Variants in THRB observed in about 807,000 individuals in gnomAD.
The protein encoded by THRB is thyroid hormone receptor beta, also known as nuclear receptor subfamily 1 group A member 2.
A neutral mutation model predicts 47.8 loss-of-function variants in THRB; 12 were observed. The ratio of observed to expected loss-of-function variants is 0.25; its 90% CI spans 0.16 to 0.41. The LOEUF (loss-of-function observed/expected upper bound fraction) is 0.41. Ranked by LOEUF, THRB falls within the 10% of genes least tolerant of loss-of-function variation. The probability of loss-of-function intolerance (pLI) is 1.00; values close to 1 mark genes in which losing one functional copy is unlikely to be tolerated. For missense variants in THRB, 348 were observed against 589.2 expected (o/e 0.59, Z 4.24); for synonymous variants, 218 against 212.2 (o/e 1.03, Z -0.24).
chr3:24,440,142 T>C (rs1482791145), intron 1 of THRB, among the ~76,000 whole-genome samples: 1 of 152,232 alleles, frequency 6.6e-6, no homozygotes, highest in Admixed American at 6.5e-5. Context: ...AGTTTCTAGA[T>C]TGATTTTTTT....
At chr3:24,338,172 T>G (rs563745060) in intron 1 of THRB, among the ~76,000 whole-genome samples, 2 of 152,212 alleles carry the variant, frequency 1.3e-5, no homozygotes, top group African/African-American at 2.4e-5. Flanking sequence ...TTTTGTCACC[T>G]GTGCTCTAAT....
intron 1 of THRB, among the ~76,000 whole-genome samples, chr3:24,348,011 G>C (rs180879578): frequency 6.6e-6 from 1 of 152,092 alleles, no homozygotes; most frequent in Non-Finnish European, 1.5e-5. Context: ...TCTTGATCCC[G>C]TAACAGTATA....
At chr3:24,457,177 T>C (rs548217959) in intron 1 of THRB, among the ~76,000 whole-genome samples, 21 of 152,232 alleles carry the variant, frequency 1.4e-4, no homozygotes, top group Non-Finnish European at 3.1e-4. Flanking sequence ...CAAGACAATA[T>C]AGTCACCCTA....
At chr3:24,434,551 A>G (rs1013221412) in intron 1 of THRB, among the ~76,000 whole-genome samples, 1 of 152,238 alleles carries the variant, frequency 6.6e-6, no homozygotes, top group Admixed American at 6.5e-5. Flanking sequence ...TTTGCCATCC[A>G]TAAATTATTC....
In THRB at chr3:24,121,228, A is replaced by T. The variant is rs888064027; in HGVS notation, c.*1656T>A. 1 of 152,590 alleles carries T rather than the reference A, an allele frequency of 6.6e-6. No individual in the cohort carries two copies. Among genetic ancestry groups the T allele is most frequent in the African/African-American group, 2.4e-5 (1 of 41,438 alleles). 9.5% of individuals were successfully genotyped at this position (152,590 alleles called of 1,614,324 possible). A position where few individuals can be genotyped will look rare whatever the true frequency, so the allele number is the denominator to read the frequency against. On this transcript the variant is annotated 3_prime_UTR_variant, in exon 11 of 11. Coordinates refer to ENST00000646209, the MANE Select transcript of THRB (RefSeq NM_001354712.2). ...ACCAGGTAAGAAAACCAAGACCTAG[A>T]ATTACAAATCTACCAGTTGACAGAG...
At chr3:24,295,771 T>G (rs1477937174) in intron 3 of THRB, among the ~76,000 whole-genome samples, 1 of 152,198 alleles carries the variant, frequency 6.6e-6, no homozygotes, top group Non-Finnish European at 1.5e-5. Flanking sequence ...GTATGAATCC[T>G]TGGGTCAGTC....
chr3:24,327,012 C>T (rs941149085), intron 2 of THRB, among the ~76,000 whole-genome samples: 1 of 152,078 alleles, frequency 6.6e-6, no homozygotes, highest in African/African-American at 2.4e-5. Context: ...ATCCGCCCGC[C>T]TCAGCTTCCC....
At chr3:24,138,999 C>G (rs2148955142) in intron 8 of THRB, among the ~76,000 whole-genome samples, 1 of 152,232 alleles carries the variant, frequency 6.6e-6, no homozygotes, top group East Asian at 1.9e-4. Flanking sequence ...TCAGGGGCTG[C>G]TACTGGAGGT....
intron 3 of THRB, among the ~76,000 whole-genome samples, chr3:24,245,975 A>C (rs73039635): frequency 1.0e-3 from 155 of 152,286 alleles, no homozygotes; most frequent in Non-Finnish European, 1.8e-3. Context: ...TGGGTTACGT[A>C]AAGTGTAGTT....
chr3:24,236,252 C>T (rs1006856083), intron 3 of THRB, among the ~76,000 whole-genome samples: 23 of 152,144 alleles, frequency 1.5e-4, no homozygotes, highest in South Asian at 6.2e-4. Flanking sequence ...CTGGACTGGG[C>T]GTCATTCCAG....
At chr3:24,455,803 A>T (rs1386403257) in intron 1 of THRB, among the ~76,000 whole-genome samples, 1 of 152,108 alleles carries the variant, frequency 6.6e-6, no homozygotes, top group African/African-American at 2.4e-5. Context: ...TTGCTACTCC[A>T]TTTCGTCTGG....
chr3:24,126,016 A>C (rs535881542), intron 10 of THRB, among the ~76,000 whole-genome samples: 2 of 152,304 alleles, frequency 1.3e-5, no homozygotes, highest in South Asian at 4.1e-4. Context: ...TTTCCATAAT[A>C]AAAAGAATTA....
chr3:24,204,856 T>A (rs1156536738), intron 4 of THRB, among the ~76,000 whole-genome samples: 1 of 152,126 alleles, frequency 6.6e-6, no homozygotes, highest in African/African-American at 2.4e-5. Flanking sequence ...CGTGACGAAT[T>A]CACAAGCTTC....
intron 1 of THRB, among the ~76,000 whole-genome samples, chr3:24,491,156 A>G (rs1332715097): frequency 6.6e-6 from 1 of 152,158 alleles, no homozygotes; most frequent in African/African-American, 2.4e-5. Context: ...TCAGAGCCAA[A>G]TTAAATACTC....
chr3:24,157,712 C>G (rs1057192634), intron 5 of THRB, among the ~76,000 whole-genome samples: 2 of 151,882 alleles, frequency 1.3e-5, no homozygotes, highest in Non-Finnish European at 2.9e-5. Flanking sequence ...GAAGTTGTTT[C>G]GTAGAGATGG....
intron 1 of THRB, among the ~76,000 whole-genome samples, chr3:24,460,034 C>T (rs2073554401): frequency 6.6e-6 from 1 of 152,118 alleles, no homozygotes; most frequent in South Asian, 2.1e-4. Context: ...TTAGGCAGTG[C>T]CTAATGTTTT....
At chr3:24,153,835 C>A (rs2037389622) in intron 5 of THRB, among the ~76,000 whole-genome samples, 1 of 152,208 alleles carries the variant, frequency 6.6e-6, no homozygotes, top group African/African-American at 2.4e-5. Context: ...TTCTCCCTAT[C>A]ATGGTCCTTA....
chr3:24,272,347 A>AAACAAC (rs35975177), intron 3 of THRB, among the ~76,000 whole-genome samples: 8,004 of 149,712 alleles, frequency 0.053, 240 homozygotes, highest in African/African-American at 0.085. Context: ...CTCTCTCTCA[A>AAACAAC]AACAACAACA....
intron 4 of THRB, among the ~76,000 whole-genome samples, chr3:24,209,037 C>T (rs192415656): frequency 1.3e-5 from 2 of 152,216 alleles, no homozygotes; most frequent in African/African-American, 4.8e-5. Context: ...TATGAACAGA[C>T]TCTTCTCAAA....
Sources: allele counts gnomAD v4.1 joint callset (sites outside exome capture counted in the v4.1 genomes callset), GRCh38; gene constraint gnomAD v4.1.1; transcripts MANE v1.5; gene names NCBI Gene and HGNC (gene_info 2026-07-23, HGNC 2026-07-21).